Variants in ST8SIA4 observed in about 807,000 individuals in gnomAD.
ST8SIA4 encodes ST8 alpha-N-acetyl-neuraminide alpha-2,8-sialyltransferase 4.
Under a neutral mutation model 33.9 loss-of-function variants are expected in ST8SIA4, and 15 were observed. The observed-to-expected ratio is 0.44, with a 90% CI of 0.30 to 0.68. ST8SIA4 has a LOEUF of 0.68. ST8SIA4 is among the 30% of genes least tolerant of loss of function. The pLI, the probability that ST8SIA4 is intolerant of heterozygous loss-of-function variation, is 0.10. For missense variants in ST8SIA4, 321 were observed against 428.0 expected, an observed-to-expected ratio of 0.75 and a Z score of 2.21; for synonymous variants, 171 against 151.2, an observed-to-expected ratio of 1.13 and a Z score of -0.96.
chr5:100,851,062 C>T (rs973664486), intron 4 of ST8SIA4, among the ~76,000 whole-genome samples: 1 of 146,194 alleles, frequency 6.8e-6, no homozygotes, highest in Non-Finnish European at 1.5e-5. Context: ...TGGGCTTAAG[C>T]GATTCTTCTG....
At chr5:100,849,284 T>A (rs769074540) in intron 4 of ST8SIA4, 28 of 985,256 alleles carry the variant, frequency 2.8e-5, no homozygotes, top group South Asian at 1.9e-4. Flanking sequence ...TTAATGGTTA[T>A]AAATCTGACA....
chr5:100,826,948 A>ATG (rs144976218), intron 4 of ST8SIA4, among the ~76,000 whole-genome samples: 81,451 of 135,798 alleles, frequency 0.6, 23,611 homozygotes, highest in South Asian at 0.75. Flanking sequence ...ATTCAGATAT[A>ATG]TGTGTGTGTA....
chr5:100,819,415 G>T (rs908742557), intron 4 of ST8SIA4, among the ~76,000 whole-genome samples: 12 of 152,130 alleles, frequency 7.9e-5, no homozygotes, highest in African/African-American at 2.9e-4. Context: ...GCCATAAAGG[G>T]CAGATACTGT....
chr5:100,887,998 T>C (rs890906732), intron 2 of ST8SIA4, among the ~76,000 whole-genome samples: 13 of 151,940 alleles, frequency 8.6e-5, no homozygotes, highest in Admixed American at 7.9e-4. Flanking sequence ...GCAAAAGGGA[T>C]ATTGCCTTCC....
chr5:100,841,105 C>T lies in ST8SIA4; in HGVS notation c.797+14998G>A, dbSNP rs533279127. On this transcript the variant is annotated intron_variant, in intron 4 of 4. Coordinates refer to ENST00000231461, the MANE Select transcript of ST8SIA4 (RefSeq NM_005668.6). ...GAGAGGTTCATAAATCTATTTGGAA[C>T]GTATTTTTGTTGTCATGTTGGTAAT... Among the ~76,000 whole-genome samples the T allele has an allele frequency of 2.4e-4, 37 of 151,952 alleles. No individual in the cohort carries two copies. In the South Asian group the frequency reaches 4.6e-3, roughly 19 times the overall value.
intron 3 of ST8SIA4, among the ~76,000 whole-genome samples, chr5:100,865,097 AG>A (rs1006043402): frequency 2.0e-5 from 3 of 152,220 alleles, no homozygotes; most frequent in African/African-American, 7.2e-5. Flanking sequence ...TCTCACTATC[AG>A]GGAACTCTGA....
chr5:100,814,918 G>T (rs1395673455), intron 4 of ST8SIA4, among the ~76,000 whole-genome samples: 1 of 151,896 alleles, frequency 6.6e-6, no homozygotes, highest in Non-Finnish European at 1.5e-5. Context: ...TACACAATTT[G>T]ATATTTGAAA....
At chr5:100,880,414 T>C (rs1752393583) in intron 3 of ST8SIA4, among the ~76,000 whole-genome samples, 1 of 152,160 alleles carries the variant, frequency 6.6e-6, no homozygotes, top group Admixed American at 6.5e-5. Flanking sequence ...TGTACAAGCA[T>C]AGACCCTCAT....
chr5:100,902,781 T>C, intron 1 of ST8SIA4, 62 bp downstream of exon 1: 1 of 1,370,030 alleles, frequency 7.3e-7, no homozygotes, highest in Admixed American at 1.7e-5. Flanking sequence ...CTACCCTCTA[T>C]ATTCACATTT....
In ST8SIA4 at chr5:100,886,198, A is replaced by G. The variant is rs532805233; in HGVS notation, c.503+145T>C. The G allele has an allele frequency of 3.7e-5, 53 of 1,435,236 alleles. No homozygotes were observed. In the South Asian group the frequency reaches 7.7e-4, roughly 21 times the overall value. The allele number at this position is 1,435,236 out of a possible 1,614,324, so 88.9% of individuals were successfully genotyped here. A position where few individuals can be genotyped will look rare whatever the true frequency, so the allele number is the denominator to read the frequency against. ...AATATTCTATTCCAGGGTAAATGTA[A>G]TTTAAATGTTGCACAGAAAAGGATA... On this transcript the variant is annotated intron_variant, in intron 3 of 4. Transcript: ENST00000231461.
intron 3 of ST8SIA4, among the ~76,000 whole-genome samples, chr5:100,879,636 A>G (rs1354904579): frequency 1.3e-5 from 2 of 152,316 alleles, no homozygotes; most frequent in East Asian, 3.9e-4. Context: ...TGTAAATTCA[A>G]CTTCATGCAA....
At chr5:100,813,588 T>C (rs544182162) in intron 4 of ST8SIA4, among the ~76,000 whole-genome samples, 2 of 152,112 alleles carry the variant, frequency 1.3e-5, no homozygotes, top group Non-Finnish European at 2.9e-5. Flanking sequence ...TCATACACTA[T>C]AAACACAATG....
chr5:100,826,481 A>G (rs1751146526), intron 4 of ST8SIA4, among the ~76,000 whole-genome samples: 1 of 150,654 alleles, frequency 6.6e-6, no homozygotes, highest in Non-Finnish European at 1.5e-5. Flanking sequence ...ACTTGGGGCC[A>G]AAAAAAAATA....
intron 4 of ST8SIA4, among the ~76,000 whole-genome samples, chr5:100,813,619 T>TCTATTGA (rs1750856040): frequency 6.6e-6 from 1 of 152,046 alleles, no homozygotes; most frequent in Non-Finnish European, 1.5e-5. Context: ...AGACAGTGAT[T>TCTATTGA]CTATGCAAGG....
intron 4 of ST8SIA4, among the ~76,000 whole-genome samples, chr5:100,843,789 T>C (rs1751514920): frequency 6.6e-6 from 1 of 151,978 alleles, no homozygotes; most frequent in African/African-American, 2.4e-5. Flanking sequence ...CACTTCTTGC[T>C]CTGCAAATTC....
chr5:100,815,805 T>C (rs1330815872), intron 4 of ST8SIA4, among the ~76,000 whole-genome samples: 1 of 152,176 alleles, frequency 6.6e-6, no homozygotes, highest in Non-Finnish European at 1.5e-5. Context: ...TTGAGAAAGC[T>C]GCTTCACTTC....
At chr5:100,838,469 A>G (rs979564940) in intron 4 of ST8SIA4, among the ~76,000 whole-genome samples, 4 of 151,984 alleles carry the variant, frequency 2.6e-5, no homozygotes, top group African/African-American at 9.7e-5. Context: ...ATGAAGACCA[A>G]TGTTACATTA....
At chr5:100,864,280 A>G (rs979930359) in intron 3 of ST8SIA4, among the ~76,000 whole-genome samples, 7 of 152,068 alleles carry the variant, frequency 4.6e-5, no homozygotes, top group Non-Finnish European at 1.5e-5. Context: ...TTCACAATAT[A>G]TTTATAAAAG....
chr5:100,880,236 G>T (rs1462071118), intron 3 of ST8SIA4, among the ~76,000 whole-genome samples: 1 of 152,022 alleles, frequency 6.6e-6, no homozygotes, highest in Non-Finnish European at 1.5e-5. Flanking sequence ...ATAAATGCAG[G>T]CAAAGCTTGC....
Sources: allele counts gnomAD v4.1 joint callset (sites outside exome capture counted in the v4.1 genomes callset), GRCh38; gene constraint gnomAD v4.1.1; transcripts MANE v1.5; gene names NCBI Gene and HGNC (gene_info 2026-07-23, HGNC 2026-07-21).